MAP2K6: variants seen among roughly 807,000 people sequenced by gnomAD.
MAP2K6 encodes dual specificity mitogen-activated protein kinase kinase 6.
A neutral mutation model predicts 53.7 loss-of-function variants in MAP2K6; 16 were observed. That is an observed-to-expected ratio of 0.30 (90% confidence interval 0.20 to 0.45). MAP2K6 has a LOEUF of 0.45. MAP2K6 is among the 20% of genes least tolerant of loss of function. The pLI, the probability that MAP2K6 is intolerant of heterozygous loss-of-function variation, is 1.00. For missense variants in MAP2K6, 204 were observed against 411.9 expected, an observed-to-expected ratio of 0.50 and a Z score of 4.37; for synonymous variants, 132 against 143.1, an observed-to-expected ratio of 0.92 and a Z score of 0.55.
intron 1 of MAP2K6, among the ~76,000 whole-genome samples, chr17:69,493,550 C>G (rs1451389399): frequency 2.0e-5 from 3 of 152,116 alleles, no homozygotes; most frequent in African/African-American, 4.8e-5. Flanking sequence ...CACCTGAGGT[C>G]AGGAGTTTGA....
At chr17:69,456,511 C>T (rs1389749745) in intron 1 of MAP2K6, among the ~76,000 whole-genome samples, 1 of 152,164 alleles carries the variant, frequency 6.6e-6, no homozygotes. Flanking sequence ...GTTTGGTCTA[C>T]TCAGAGCTAC....
intron 1 of MAP2K6, among the ~76,000 whole-genome samples, chr17:69,491,719 C>T (rs978833885): frequency 4.1e-5 from 5 of 120,542 alleles, no homozygotes; most frequent in Non-Finnish European, 6.5e-5. Flanking sequence ...TCTGCAACCT[C>T]GCTGGCATCT....
At chr17:69,522,388 G>C (rs912168518) in intron 7 of MAP2K6, among the ~76,000 whole-genome samples, 12 of 152,128 alleles carry the variant, frequency 7.9e-5, no homozygotes, top group African/African-American at 2.9e-4. Flanking sequence ...ATTCATATTA[G>C]AGAAAATATG....
intron 1 of MAP2K6, among the ~76,000 whole-genome samples, chr17:69,493,188 A>G (rs947787428): frequency 6.6e-6 from 1 of 152,230 alleles, no homozygotes; most frequent in Middle Eastern, 3.2e-3. Flanking sequence ...TGGAAGAACT[A>G]TCTAGCCATT....
rs867091969 is a variant in MAP2K6 at position 69,449,563 on chromosome 17, T to G, written c.16+34563T>G. 3.3e-3 allele frequency among the ~76,000 whole-genome samples: 338 copies of G among 102,466 alleles called. 1 individual carries two copies. The highest frequency in any genetic ancestry group is 0.016 in the African/African-American group (310 of 19,864). 67.2% of individuals were successfully genotyped at this position (102,466 alleles called of 152,430 possible). Reference sequence around the variant, plus strand: ...TTTCTTTCTTTCTTTCTTTCTTTATTTCTTTCTTTCTTTCTTTCTTTCTTT... The same window carrying G: ...TTTCTTTCTTTCTTTCTTTCTTTATGTCTTTCTTTCTTTCTTTCTTTCTTT... On this transcript the variant is annotated intron_variant, in intron 1 of 11. Transcript: ENST00000590474.
chr17:69,441,969 G>A (rs1041162361), intron 1 of MAP2K6, among the ~76,000 whole-genome samples: 1 of 152,090 alleles, frequency 6.6e-6, no homozygotes, highest in Admixed American at 6.5e-5. Context: ...TCCCCATCTG[G>A]CCTCCACTGA....
intron 1 of MAP2K6, among the ~76,000 whole-genome samples, chr17:69,416,674 GT>G (rs10713716): frequency 0.39 from 58,507 of 151,954 alleles, 11,792 homozygotes; most frequent in Middle Eastern, 0.46. Context: ...TTAAAATGAA[GT>G]TTTTCCTTCG....
chr17:69,512,692 A>G (rs1361779205), intron 2 of MAP2K6, among the ~76,000 whole-genome samples: 1 of 152,182 alleles, frequency 6.6e-6, no homozygotes, highest in Admixed American at 6.6e-5. Flanking sequence ...AAGAGGTATT[A>G]ATGAGGTATT....
At chr17:69,507,909 C>T (rs1567845527) in intron 2 of MAP2K6, among the ~76,000 whole-genome samples, 7 of 151,954 alleles carry the variant, frequency 4.6e-5, no homozygotes, top group Admixed American at 4.6e-4. Context: ...AACTATTGGC[C>T]AGAGTAATTG....
At chr17:69,452,838 C>T (rs977741441) in intron 1 of MAP2K6, among the ~76,000 whole-genome samples, 21 of 152,104 alleles carry the variant, frequency 1.4e-4, no homozygotes, top group Admixed American at 1.2e-3. Flanking sequence ...TTGATTAGGG[C>T]GATAAGGATT....
chr17:69,475,095 T>C (rs1441635430), intron 1 of MAP2K6, among the ~76,000 whole-genome samples: 1 of 152,104 alleles, frequency 6.6e-6, no homozygotes, highest in Non-Finnish European at 1.5e-5. Flanking sequence ...AAAACACTTG[T>C]ATTTTCTGAA....
At chr17:69,425,072 C>A (rs926770072) in intron 1 of MAP2K6, among the ~76,000 whole-genome samples, 2 of 152,190 alleles carry the variant, frequency 1.3e-5, no homozygotes, top group African/African-American at 4.8e-5. Flanking sequence ...AGAACGTGGC[C>A]AGTGTGGCAG....
intron 1 of MAP2K6, among the ~76,000 whole-genome samples, chr17:69,469,302 A>G (rs558881386): frequency 2.4e-4 from 36 of 152,372 alleles, no homozygotes; most frequent in African/African-American, 8.4e-4. Context: ...AGCCCGCTCA[A>G]AATATCCAAG....
intron 1 of MAP2K6, among the ~76,000 whole-genome samples, chr17:69,442,301 T>TC (rs2145149349): frequency 6.6e-6 from 1 of 152,290 alleles, no homozygotes; most frequent in East Asian, 1.9e-4. Context: ...CTTCACTGTT[T>TC]CCAGACCTCT....
In MAP2K6 at chr17:69,549,502, T is replaced by C. The variant is rs944615462; in HGVS notation, c.*7749T>C. ...CCGGTCACAGATGACCTGGACTGACTGAATGCTTTTGTGGTAAGGAACTGA... is the reference window on the plus strand; with the variant it reads ...CCGGTCACAGATGACCTGGACTGACCGAATGCTTTTGTGGTAAGGAACTGA... On this transcript the variant is annotated 3_prime_UTR_variant, in exon 12 of 12. Transcript: ENST00000590474. 3.3e-5 allele frequency: 5 copies of C among 152,222 alleles called. No homozygotes were observed. Among genetic ancestry groups the C allele is most frequent in the Non-Finnish European group, 5.9e-5 (4 of 68,036 alleles). The allele number at this position is 152,222 out of a possible 1,614,324, so 9.4% of individuals were successfully genotyped here.
At chr17:69,470,628 T>G (rs750792209) in intron 1 of MAP2K6, among the ~76,000 whole-genome samples, 1 of 152,224 alleles carries the variant, frequency 6.6e-6, no homozygotes, top group African/African-American at 2.4e-5. Context: ...CTCATGGCTT[T>G]TATTTTGTCA....
chr17:69,523,442 C>T, intron 7 of MAP2K6, 72 bp from the exon 8 acceptor site: 4 of 1,587,060 alleles, frequency 2.5e-6, no homozygotes, highest in South Asian at 1.1e-5. Flanking sequence ...AGATTTTAGG[C>T]CCTCTGGTGG....
chr17:69,419,724 C>A (rs1020320995), intron 1 of MAP2K6, among the ~76,000 whole-genome samples: 1 of 151,976 alleles, frequency 6.6e-6, no homozygotes, highest in Non-Finnish European at 1.5e-5. Context: ...GTCAGGAGTT[C>A]AAGACCAGCC....
At chr17:69,514,711 G>A (rs1401152178) in intron 2 of MAP2K6, among the ~76,000 whole-genome samples, 6 of 151,876 alleles carry the variant, frequency 4.0e-5, no homozygotes, top group African/African-American at 9.7e-5. Flanking sequence ...ACAGGTGTCC[G>A]CCACCACGCC....
Sources: gnomAD v4.1 joint callset for allele counts (sites outside exome capture counted in the v4.1 genomes callset) on GRCh38, gnomAD v4.1.1 for gene constraint, MANE v1.5 for transcripts, NCBI Gene and HGNC (gene_info 2026-07-23, HGNC 2026-07-21) for gene names.